Variants in MARCHF1 observed in about 807,000 individuals in gnomAD.
MARCHF1 encodes E3 ubiquitin-protein ligase MARCHF1.
Under a neutral mutation model 54.2 loss-of-function variants are expected in MARCHF1, and 40 were observed. The ratio of observed to expected loss-of-function variants is 0.74; its 90% confidence interval spans 0.57 to 0.96. The LOEUF is 0.96. Among genes scored for constraint, MARCHF1 ranks in the 40% least tolerant of loss-of-function variants. MARCHF1 has a pLI of 0.00. For missense variants in MARCHF1, 586 were observed against 656.5 expected (o/e 0.89, Z 1.17); for synonymous variants, 236 against 236.3 (o/e 1.00, Z 0.01).
chr4:163,551,248 T>C (rs1739097502), intron 8 of MARCHF1, among the ~76,000 whole-genome samples: 2 of 152,234 alleles, frequency 1.3e-5, no homozygotes, highest in Non-Finnish European at 2.9e-5. Context: ...TGTTTTACTT[T>C]TCAAATTAGT....
chr4:164,254,502 A>G (rs1287761742), intron 1 of MARCHF1, among the ~76,000 whole-genome samples: 1 of 151,536 alleles, frequency 6.6e-6, no homozygotes, highest in Non-Finnish European at 1.5e-5. Context: ...ATATGTGTAT[A>G]CATATATAGT....
At chr4:163,574,442 T>C (rs1392313819) in intron 8 of MARCHF1, among the ~76,000 whole-genome samples, 17 of 151,164 alleles carry the variant, frequency 1.1e-4, no homozygotes, top group Non-Finnish European at 2.1e-4. Flanking sequence ...GTTTTTATGG[T>C]TTTAGGTCTA....
intron 3 of MARCHF1, among the ~76,000 whole-genome samples, chr4:163,896,246 CAAG>C (rs1401756339): frequency 5.3e-5 from 8 of 152,098 alleles, no homozygotes; most frequent in Admixed American, 2.0e-4. Flanking sequence ...ATGATGAAAT[CAAG>C]AAGAACAGAA....
At chr4:164,199,632 T>TCTCTCTCTCACACACA (rs1302700273) in intron 1 of MARCHF1, among the ~76,000 whole-genome samples, 2 of 114,772 alleles carry the variant, frequency 1.7e-5, no homozygotes, top group African/African-American at 6.9e-5. Flanking sequence ...CAGGACTCTG[T>TCTCTCTCTCACACACA]CACACACACA....
At position 164,254,059 on chromosome 4, in the gene MARCHF1, G is replaced by A. The variant is rs755164061; in HGVS notation, c.-323+129811C>T. ...ATGAATGAGTTCCTTTGTGGACAGA[G>A]CAGTTCTCTATCTTGACTGCAGTGT... On this transcript the variant is annotated intron_variant, in intron 1 of 9. Coordinates refer to ENST00000514618, the MANE Select transcript of MARCHF1 (RefSeq NM_001394959.1). Among the ~76,000 whole-genome samples the A allele has an allele frequency of 3.0e-4, 45 of 152,216 alleles. No individual in the cohort carries two copies. In the Middle Eastern group the frequency reaches 0.017, roughly 58 times the overall value.
chr4:163,592,222 G>A (rs1740613861), intron 7 of MARCHF1, among the ~76,000 whole-genome samples: 1 of 152,134 alleles, frequency 6.6e-6, no homozygotes, highest in African/African-American at 2.4e-5. Context: ...TTCTGAATAT[G>A]TACTCTTTTT....
intron 2 of MARCHF1, among the ~76,000 whole-genome samples, chr4:164,104,034 G>C (rs1243139468): frequency 1.3e-5 from 2 of 151,470 alleles, no homozygotes; most frequent in Admixed American, 1.3e-4. Context: ...ATAAATTCCT[G>C]GACACATGCA....
intron 4 of MARCHF1, among the ~76,000 whole-genome samples, chr4:163,708,601 G>A (rs1490950325): frequency 6.6e-5 from 10 of 152,092 alleles, no homozygotes; most frequent in Non-Finnish European, 1.5e-4. Flanking sequence ...AGTAAAATAA[G>A]AAGTGATAAA....
At chr4:163,874,822 G>T (rs1750255462) in intron 3 of MARCHF1, among the ~76,000 whole-genome samples, 2 of 152,120 alleles carry the variant, frequency 1.3e-5, no homozygotes, top group Admixed American at 1.3e-4. Context: ...GAAGCACTGA[G>T]TTGCTAAAAT....
intron 3 of MARCHF1, among the ~76,000 whole-genome samples, chr4:163,911,774 G>C (rs1207883041): frequency 2.6e-5 from 4 of 152,106 alleles, no homozygotes; most frequent in Admixed American, 1.3e-4. Flanking sequence ...ATGCACAGAG[G>C]AAAAGCCTTT....
intron 2 of MARCHF1, among the ~76,000 whole-genome samples, chr4:164,019,940 A>G (rs1485847111): frequency 6.6e-6 from 1 of 152,210 alleles, no homozygotes; most frequent in East Asian, 1.9e-4. Flanking sequence ...GAGTAGAACC[A>G]TGAGATTACG....
chr4:164,003,065 GA>G (rs1317253394), intron 2 of MARCHF1, among the ~76,000 whole-genome samples: 3 of 151,736 alleles, frequency 2.0e-5, no homozygotes, highest in Non-Finnish European at 2.9e-5. Flanking sequence ...GAGGAATAAG[GA>G]AAAATCCCAA....
intron 1 of MARCHF1, among the ~76,000 whole-genome samples, chr4:164,323,597 C>CAAAAAAAAAAAAAAA (rs70952622): frequency 9.7e-5 from 3 of 30,946 alleles, no homozygotes; most frequent in African/African-American, 1.5e-4. Flanking sequence ...GGATGAGTAG[C>CAAAAAAAAAAAAAAA]AAAAAAAAAA....
At chr4:164,023,399 G>A (rs1357226512) in intron 2 of MARCHF1, among the ~76,000 whole-genome samples, 3 of 152,076 alleles carry the variant, frequency 2.0e-5, no homozygotes, top group African/African-American at 7.2e-5. Context: ...AAGGAAGTAA[G>A]ACCCCCTCTG....
rs1050361357 is a variant in MARCHF1, at chr4:163,743,984, C to T, written c.112-43121G>A. Among the ~76,000 whole-genome samples, 5 of 152,258 alleles carry T rather than the reference C, an allele frequency of 3.3e-5. No individual in the cohort carries two copies. The South Asian group carries it at 1.0e-3, about 32-fold the overall frequency. On this transcript the variant is annotated intron_variant, in intron 4 of 9. Transcript: ENST00000514618. ...CTGGTTAGGTGTTTGCAATAAATCA[C>T]CTCGGTTTTAGTGAGAAGTGAGAAG...
chr4:164,200,188 C>A (rs1264524689), intron 1 of MARCHF1, among the ~76,000 whole-genome samples: 2 of 152,182 alleles, frequency 1.3e-5, no homozygotes, highest in Non-Finnish European at 2.9e-5. Flanking sequence ...GTATTTGGCT[C>A]TCCCTCTATA....
At chr4:164,141,167 A>G (rs555959605) in intron 1 of MARCHF1, among the ~76,000 whole-genome samples, 1 of 152,344 alleles carries the variant, frequency 6.6e-6, no homozygotes, top group East Asian at 1.9e-4. Flanking sequence ...AGCAACAGGC[A>G]TCAATGATTT....
chr4:164,304,359 T>C (rs1734642017), intron 1 of MARCHF1, among the ~76,000 whole-genome samples: 2 of 152,212 alleles, frequency 1.3e-5, no homozygotes, highest in African/African-American at 2.4e-5. Context: ...ACTAGTAAGC[T>C]AAGAGCTTTT....
chr4:163,617,229 T>A (rs1741543204), intron 5 of MARCHF1, among the ~76,000 whole-genome samples: 1 of 152,126 alleles, frequency 6.6e-6, no homozygotes, highest in African/African-American at 2.4e-5. Context: ...AGAATTGTGG[T>A]CATTGGAGAC....
Sources: allele counts gnomAD v4.1 joint callset (sites outside exome capture counted in the v4.1 genomes callset), GRCh38; gene constraint gnomAD v4.1.1; transcripts MANE v1.5; gene names NCBI Gene and HGNC (gene_info 2026-07-23, HGNC 2026-07-21).